RAB7A: variants seen among roughly 807,000 people sequenced by gnomAD.
RAB7A encodes the protein RAB7A, member RAS oncogene family.
A neutral mutation model predicts 24.5 loss-of-function variants in RAB7A; 2 were observed. The observed-to-expected ratio is 0.08, with a 90% CI of 0.03 to 0.26. The LOEUF is 0.26. RAB7A is among the 10% of genes least tolerant of loss of function. The pLI is 1.00. For missense variants in RAB7A, 118 were observed against 255.7 expected, an observed-to-expected ratio of 0.46 and a Z score of 3.67; for synonymous variants, 100 against 95.9, an observed-to-expected ratio of 1.04 and a Z score of -0.25.
intron 1 of RAB7A, among the ~76,000 whole-genome samples, chr3:128,784,433 G>T (rs1445491150): frequency 6.6e-6 from 1 of 152,200 alleles, no homozygotes; most frequent in East Asian, 1.9e-4. Context: ...GTCCTCTCTT[G>T]CCTGAAGGTG....
At chr3:128,796,818 A>G (rs1933587434) in intron 2 of RAB7A, among the ~76,000 whole-genome samples, 1 of 151,218 alleles carries the variant, frequency 6.6e-6, no homozygotes, top group African/African-American at 2.4e-5. Context: ...GTGTGCTACC[A>G]CTCCTGGTTA....
intron 1 of RAB7A, among the ~76,000 whole-genome samples, chr3:128,763,078 C>T (rs951941626): frequency 2.0e-5 from 3 of 151,520 alleles, no homozygotes; most frequent in African/African-American, 4.9e-5. Context: ...AACAGAGTGT[C>T]CCACATTCTA....
chr3:128,754,629 T>C (rs1476556277), intron 1 of RAB7A, among the ~76,000 whole-genome samples: 2 of 152,024 alleles, frequency 1.3e-5, no homozygotes, highest in Admixed American at 6.6e-5. Flanking sequence ...GCAGAATGGA[T>C]AGAAAAACAT....
intron 1 of RAB7A, among the ~76,000 whole-genome samples, chr3:128,792,449 C>T (rs1933475432): frequency 6.6e-6 from 1 of 151,958 alleles, no homozygotes; most frequent in Admixed American, 6.6e-5. Flanking sequence ...CTCTGTCGCC[C>T]AGGCTGGAGT....
intron 5 of RAB7A, among the ~76,000 whole-genome samples, chr3:128,808,223 G>A (rs559036323): frequency 1.0e-3 from 158 of 152,192 alleles, no homozygotes; most frequent in Middle Eastern, 6.8e-3. Flanking sequence ...AGCCAGACCT[G>A]GTGGTGGTCG....
At chr3:128,789,474 A>G (rs533094754) in intron 1 of RAB7A, among the ~76,000 whole-genome samples, 56 of 150,966 alleles carry the variant, frequency 3.7e-4, no homozygotes, top group Admixed American at 1.4e-3. Context: ...TAGTTATTAC[A>G]GGTGTGTTTC....
intron 1 of RAB7A, among the ~76,000 whole-genome samples, chr3:128,758,427 T>TAC (rs2070749613): frequency 6.6e-6 from 1 of 150,676 alleles, no homozygotes; most frequent in African/African-American, 2.4e-5. Context: ...CGCCCGCCAC[T>TAC]ACGCCCAGCT....
At chr3:128,750,615 T>TA (rs1156310242) in intron 1 of RAB7A, among the ~76,000 whole-genome samples, 1 of 152,220 alleles carries the variant, frequency 6.6e-6, no homozygotes, top group Non-Finnish European at 1.5e-5. Flanking sequence ...TGGGTACTAT[T>TA]AAAGGCATTC....
intron 1 of RAB7A, among the ~76,000 whole-genome samples, chr3:128,757,255 C>T (rs1273286980): frequency 6.6e-6 from 1 of 152,082 alleles, no homozygotes; most frequent in Non-Finnish European, 1.5e-5. Flanking sequence ...TCTCTCCCAG[C>T]CATACTTGAT....
intron 1 of RAB7A, among the ~76,000 whole-genome samples, chr3:128,769,018 A>G (rs1441533745): frequency 2.8e-5 from 3 of 106,486 alleles, no homozygotes; most frequent in Admixed American, 1.5e-4. Flanking sequence ...TCTCACTCTC[A>G]TGGAGCTGGG....
At chr3:128,794,165 GC>G (rs1933519722) in intron 1 of RAB7A, among the ~76,000 whole-genome samples, 1 of 152,188 alleles carries the variant, frequency 6.6e-6, no homozygotes, top group Non-Finnish European at 1.5e-5. Context: ...TTGCCTAGGA[GC>G]TGTAACCTGC....
intron 1 of RAB7A, among the ~76,000 whole-genome samples, chr3:128,790,517 C>T (rs1027271646): frequency 3.3e-5 from 5 of 152,230 alleles, no homozygotes; most frequent in Admixed American, 6.5e-5. Context: ...TTCCTTTCTG[C>T]TTCATGTGTA....
intron 1 of RAB7A, among the ~76,000 whole-genome samples, chr3:128,755,547 T>A (rs1343899077): frequency 6.6e-6 from 1 of 152,098 alleles, no homozygotes; most frequent in Non-Finnish European, 1.5e-5. Flanking sequence ...AAGTTAGTTC[T>A]TGGAAAAGAC....
chr3:128,791,595 C>T (rs1273292591), intron 1 of RAB7A, among the ~76,000 whole-genome samples: 1 of 152,144 alleles, frequency 6.6e-6, no homozygotes, highest in Non-Finnish European at 1.5e-5. Context: ...ACATTTGTTT[C>T]TGGGCATGGT....
chr3:128,795,230 G>A, intron 1 of RAB7A, 130 bp from the exon 2 acceptor site: 1 of 792,852 alleles, frequency 1.3e-6, no homozygotes, highest in African/African-American at 1.7e-5. Context: ...CCCCCTGGTG[G>A]AAGGAAGATA....
chr3:128,810,486 T>G (rs547077199), intron 5 of RAB7A, among the ~76,000 whole-genome samples: 1 of 152,346 alleles, frequency 6.6e-6, no homozygotes, highest in East Asian at 1.9e-4. Flanking sequence ...TTCTGGAGGC[T>G]GGAAGTCCAT....
rs570019533 is a variant in RAB7A, at chr3:128,761,779, A to G, written c.-8-33581A>G. 7.9e-5 allele frequency among the ~76,000 whole-genome samples: 12 copies of G among 152,362 alleles called. No homozygotes were observed. In the East Asian group the frequency reaches 2.3e-3, roughly 29 times the overall value. On this transcript the variant is annotated intron_variant, in intron 1 of 5. Coordinates refer to ENST00000265062, the MANE Select transcript of RAB7A (RefSeq NM_004637.6). The stretch of plus-strand genomic sequence containing the variant: ...AATTACAGGGACAGAGTGTGATTGT[A>G]TACAATTTAATTAACATATTGAAAT...
At chr3:128,760,474 T>C (rs2070768471) in intron 1 of RAB7A, among the ~76,000 whole-genome samples, 1 of 152,242 alleles carries the variant, frequency 6.6e-6, no homozygotes, top group Admixed American at 6.5e-5. Context: ...AGGTTTTATC[T>C]TGGAGGATTC....
At chr3:128,803,771 G>C (rs1933746520) in intron 3 of RAB7A, among the ~76,000 whole-genome samples, 1 of 152,176 alleles carries the variant, frequency 6.6e-6, no homozygotes, top group East Asian at 1.9e-4. Flanking sequence ...TAATGTTTAT[G>C]TAAGGCATCT....
Sources: gnomAD v4.1 joint callset for allele counts (sites outside exome capture counted in the v4.1 genomes callset) on GRCh38, gnomAD v4.1.1 for gene constraint, MANE v1.5 for transcripts, NCBI Gene and HGNC (gene_info 2026-07-23, HGNC 2026-07-21) for gene names.